The following CAMK1D variants were observed in gnomAD, a reference collection of about 807,000 sequenced individuals.
CAMK1D encodes the protein calcium/calmodulin-dependent protein kinase type 1D.
In CAMK1D, 9 loss-of-function variants were observed where a neutral mutation model predicts 47.7. That is an observed-to-expected ratio of 0.19 (90% CI 0.11 to 0.33). The LOEUF (loss-of-function observed/expected upper bound fraction) is 0.33. CAMK1D is among the 10% of genes least tolerant of loss of function. CAMK1D has a pLI of 1.00. For synonymous variants in CAMK1D, 184 were observed against 184.9 expected, an observed-to-expected ratio of 0.99 and a Z score of 0.04; for missense variants, 291 against 488.7, an observed-to-expected ratio of 0.60 and a Z score of 3.81.
At chr10:12,617,240 T>C (rs2132428817) in intron 2 of CAMK1D, among the ~76,000 whole-genome samples, 1 of 152,350 alleles carries the variant, frequency 6.6e-6, no homozygotes, top group East Asian at 1.9e-4. Context: ...TAACTGGTGC[T>C]GTTATTTTAT....
intron 1 of CAMK1D, among the ~76,000 whole-genome samples, chr10:12,536,631 C>G (rs763906486): frequency 6.6e-6 from 1 of 152,150 alleles, no homozygotes; most frequent in East Asian, 1.9e-4. Context: ...AACCTTTACT[C>G]GAAGAGGGGG....
intron 1 of CAMK1D, among the ~76,000 whole-genome samples, chr10:12,522,140 G>A (rs1835435502): frequency 1.4e-5 from 2 of 146,008 alleles, no homozygotes; most frequent in African/African-American, 5.0e-5. Flanking sequence ...TCTGGTTTTT[G>A]TTCCTGTCTT....
At chr10:12,501,434 C>T (rs554962590) in intron 1 of CAMK1D, among the ~76,000 whole-genome samples, 74 of 152,268 alleles carry the variant, frequency 4.9e-4, no homozygotes, top group Admixed American at 1.3e-3. Flanking sequence ...GTGTGCTCAG[C>T]GCTGTTCTGC....
At chr10:12,785,944 G>A (rs1023270500) in intron 5 of CAMK1D, among the ~76,000 whole-genome samples, 3 of 152,180 alleles carry the variant, frequency 2.0e-5, no homozygotes, top group Non-Finnish European at 2.9e-5. Flanking sequence ...ACATCCTCGT[G>A]GATCTCCACG....
At position 12,423,366 on chromosome 10, in the gene CAMK1D, A is replaced by G. The variant is rs1840122441; in HGVS notation, c.92+73456A>G. ...CCATCTCTACAAAAAAGTAGAAAAC[A>G]TTTACTGGGCATGGTGGCTTGTGCT... On this transcript the variant is annotated intron_variant, in intron 1 of 10. Coordinates refer to ENST00000619168, the MANE Select transcript of CAMK1D (RefSeq NM_153498.4). Among the ~76,000 whole-genome samples the G allele has an allele frequency of 2.6e-5, 4 of 152,082 alleles. No homozygotes were observed. The South Asian group carries it at 8.3e-4, about 31-fold the overall frequency.
chr10:12,531,292 A>C (rs1186335560), intron 1 of CAMK1D, among the ~76,000 whole-genome samples: 1 of 152,192 alleles, frequency 6.6e-6, no homozygotes, highest in Non-Finnish European at 1.5e-5. Context: ...GTATATATTA[A>C]GGACCTAGTT....
At chr10:12,808,594 A>G (rs528968117) in intron 6 of CAMK1D, among the ~76,000 whole-genome samples, 2 of 152,232 alleles carry the variant, frequency 1.3e-5, no homozygotes, top group Non-Finnish European at 2.9e-5. Context: ...CCTGGCCAAC[A>G]TGGTGAAACC....
At chr10:12,645,644 G>A (rs1839791314) in intron 2 of CAMK1D, among the ~76,000 whole-genome samples, 1 of 152,204 alleles carries the variant, frequency 6.6e-6, no homozygotes, top group South Asian at 2.1e-4. Context: ...CTGGCACCAA[G>A]TGCTCTAGTC....
intron 3 of CAMK1D, among the ~76,000 whole-genome samples, chr10:12,679,673 A>T (rs1840925595): frequency 6.6e-6 from 1 of 152,146 alleles, no homozygotes; most frequent in Non-Finnish European, 1.5e-5. Flanking sequence ...GTTTTCTCTC[A>T]TGTCTCCCAA....
intron 2 of CAMK1D, among the ~76,000 whole-genome samples, chr10:12,627,217 G>A (rs1462356121): frequency 6.6e-6 from 1 of 151,764 alleles, no homozygotes; most frequent in Non-Finnish European, 1.5e-5. Flanking sequence ...GAGTAGCTGG[G>A]ACTACAGGTG....
At chr10:12,615,510 ATGTG>A (rs752014135) in intron 2 of CAMK1D, among the ~76,000 whole-genome samples, 1 of 142,574 alleles carries the variant, frequency 7.0e-6, no homozygotes, top group Non-Finnish European at 1.5e-5. Flanking sequence ...ATGTATAGTT[ATGTG>A]TGTGTATATC....
chr10:12,565,491 T>C (rs145685841), intron 2 of CAMK1D, among the ~76,000 whole-genome samples: 1 of 152,226 alleles, frequency 6.6e-6, no homozygotes, highest in Non-Finnish European at 1.5e-5. Context: ...TGACCTCAGA[T>C]GATCTGCCCG....
At chr10:12,498,861 A>G (rs1834619071) in intron 1 of CAMK1D, among the ~76,000 whole-genome samples, 1 of 152,188 alleles carries the variant, frequency 6.6e-6, no homozygotes, top group African/African-American at 2.4e-5. Flanking sequence ...GCAGATGAAG[A>G]GGTAATGAAG....
chr10:12,800,459 C>T (rs1000793435), intron 6 of CAMK1D, among the ~76,000 whole-genome samples: 4 of 152,234 alleles, frequency 2.6e-5, no homozygotes, highest in Non-Finnish European at 4.4e-5. Flanking sequence ...AAATACTGAC[C>T]GAGTGCCAAG....
At chr10:12,789,757 G>A (rs562657547) in intron 5 of CAMK1D, among the ~76,000 whole-genome samples, 1 of 152,308 alleles carries the variant, frequency 6.6e-6, no homozygotes, top group Admixed American at 6.5e-5. Context: ...TTGTTGGGGT[G>A]AGTGAGTGAA....
At chr10:12,609,143 G>A (rs1383622605) in intron 2 of CAMK1D, among the ~76,000 whole-genome samples, 2 of 152,232 alleles carry the variant, frequency 1.3e-5, no homozygotes, top group Admixed American at 6.5e-5. Flanking sequence ...TACCCAGACC[G>A]TGTGGGTCAG....
intron 1 of CAMK1D, among the ~76,000 whole-genome samples, chr10:12,396,667 ATCT>A (rs1838967428): frequency 6.6e-6 from 1 of 152,220 alleles, no homozygotes; most frequent in Admixed American, 6.5e-5. Flanking sequence ...AGCACTTACA[ATCT>A]TCTTTGAGTT....
intron 1 of CAMK1D, among the ~76,000 whole-genome samples, chr10:12,361,171 GACAA>G (rs1476014948): frequency 1.3e-5 from 2 of 151,898 alleles, no homozygotes; most frequent in African/African-American, 2.4e-5. Context: ...AGTCGTGATG[GACAA>G]ACAATGTTGG....
At chr10:12,422,057 C>T (rs1441965653) in intron 1 of CAMK1D, among the ~76,000 whole-genome samples, 2 of 152,062 alleles carry the variant, frequency 1.3e-5, no homozygotes, top group Non-Finnish European at 2.9e-5. Context: ...GATCCGCCCG[C>T]CTTGGCCTTC....
Sources: allele counts gnomAD v4.1 joint callset (sites outside exome capture counted in the v4.1 genomes callset), GRCh38; gene constraint gnomAD v4.1.1; transcripts MANE v1.5; gene names NCBI Gene and HGNC (gene_info 2026-07-23, HGNC 2026-07-21).